The following FABP6 variants were observed in gnomAD, a reference collection of about 807,000 sequenced individuals.
FABP6 encodes the protein fatty acid binding protein 6.
A neutral mutation model predicts 14.9 loss-of-function variants in FABP6; 13 were observed. The ratio of observed to expected loss-of-function variants is 0.87; its 90% CI spans 0.57 to 1.39. The LOEUF (loss-of-function observed/expected upper bound fraction) is 1.39. Among genes scored for constraint, FABP6 ranks in the 40% most tolerant of loss-of-function variants. The pLI is 0.00. For missense variants in FABP6, 161 were observed against 167.2 expected (o/e 0.96, Z 0.20); for synonymous variants, 75 against 63.6 (o/e 1.18, Z -0.85).
At chr5:160,188,046 C>A (rs1327157102) in intron 1 of FABP6, among the ~76,000 whole-genome samples, 3 of 100,328 alleles carry the variant, frequency 3.0e-5, no homozygotes, top group East Asian at 2.9e-4. Context: ...GCCACTGAGA[C>A]CCCGGCCTGC....
intron 3 of FABP6, among the ~76,000 whole-genome samples, chr5:160,236,365 C>T (rs1348522904): frequency 6.6e-6 from 1 of 152,082 alleles, no homozygotes; most frequent in African/African-American, 2.4e-5. Flanking sequence ...ACTCCACTCT[C>T]ATAACTTAAT....
At position 160,232,083 on chromosome 5, in the gene FABP6, T is replaced by C; in HGVS notation, c.68-15T>C. On this transcript the variant is annotated splice_polypyrimidine_tract_variant and intron_variant, in intron 1 of 3. Coordinates refer to ENST00000402432, the MANE Select transcript of FABP6 (RefSeq NM_001445.3). The stretch of plus-strand genomic sequence containing the variant: ...GCAGCTCTTATATGGCTACTCTGCT[T>C]GTCCCCGGGTCCAGGGATCTCCAGC... 6.2e-7 allele frequency: 1 copy of C among 1,613,218 alleles called. No homozygotes were observed. The highest frequency in any genetic ancestry group is 2.2e-5 in the East Asian group (1 of 44,864).
chr5:160,199,237 G>C, intron 2 of FABP6: 1 of 1,443,092 alleles, frequency 6.9e-7, no homozygotes, highest in Admixed American at 1.7e-5. Context: ...AACACCTTGG[G>C]TGGGGGACTT....
intron 2 of FABP6, among the ~76,000 whole-genome samples, chr5:160,205,006 T>C (rs1004772080): frequency 2.0e-5 from 3 of 152,158 alleles, no homozygotes; most frequent in South Asian, 2.1e-4. Flanking sequence ...AGGTTTTCCA[T>C]TGGCTTTTTG....
At chr5:160,216,155 T>C (rs1760008572) in intron 3 of FABP6, among the ~76,000 whole-genome samples, 1 of 152,178 alleles carries the variant, frequency 6.6e-6, no homozygotes, top group African/African-American at 2.4e-5. Context: ...TTCAATGGGG[T>C]GAGACAATTT....
At chr5:160,212,864 G>A (rs953560784) in intron 2 of FABP6, among the ~76,000 whole-genome samples, 5 of 152,068 alleles carry the variant, frequency 3.3e-5, no homozygotes, top group Non-Finnish European at 7.4e-5. Context: ...TGATCTGCCC[G>A]CCTCGGCCTC....
intron 2 of FABP6, among the ~76,000 whole-genome samples, chr5:160,212,365 A>C (rs986144237): frequency 1.3e-5 from 2 of 151,878 alleles, no homozygotes; most frequent in African/African-American, 4.8e-5. Flanking sequence ...CATGTTAGCC[A>C]GGTTGGTCTC....
chr5:160,215,949 A>G (rs940498581), intron 3 of FABP6, among the ~76,000 whole-genome samples: 2 of 152,148 alleles, frequency 1.3e-5, no homozygotes, highest in African/African-American at 4.8e-5. Context: ...CTGCAGGTGT[A>G]AGTCCTGCAG....
At chr5:160,234,314 C>A (rs1760457354) in intron 2 of FABP6, among the ~76,000 whole-genome samples, 1 of 151,646 alleles carries the variant, frequency 6.6e-6, no homozygotes, top group African/African-American at 2.4e-5. Flanking sequence ...GCAGTCAGCT[C>A]CTCTCTTGCT....
chr5:160,228,859 C>T (rs1334781823), upstream of FABP6, among the ~76,000 whole-genome samples: 3 of 152,118 alleles, frequency 2.0e-5, no homozygotes, highest in African/African-American at 7.2e-5. Flanking sequence ...CCTAGAATAT[C>T]GTCTCCCTTT....
chr5:160,200,615 T>C (rs531874198), intron 2 of FABP6, among the ~76,000 whole-genome samples: 1 of 152,332 alleles, frequency 6.6e-6, no homozygotes, highest in African/African-American at 2.4e-5. Context: ...GGTTTCACCA[T>C]GTTGGCCAGG....
intron 2 of FABP6, among the ~76,000 whole-genome samples, chr5:160,234,004 C>G (rs574058059): frequency 6.6e-6 from 1 of 152,234 alleles, no homozygotes; most frequent in Non-Finnish European, 1.5e-5. Context: ...TATCATTAGG[C>G]CTCTGGTGAC....
chr5:160,204,355 G>T (rs2032836), intron 2 of FABP6, among the ~76,000 whole-genome samples: 30,902 of 152,104 alleles, frequency 0.2, 3,276 homozygotes, highest in South Asian at 0.25. Flanking sequence ...TAAATAATAC[G>T]TTTTTTTAAA....
intron 2 of FABP6, among the ~76,000 whole-genome samples, chr5:160,202,015 T>C (rs6892679): frequency 0.89 from 135,780 of 152,258 alleles, 60,643 homozygotes; most frequent in Non-Finnish European, 0.92. Context: ...CTGCTCGCCT[T>C]CACCTCCCAA....
Position 160,211,847 on chromosome 5 carries a change from G to A in FABP6, c.52-1889G>A, listed in dbSNP as rs370458400. ...ACAAGTATGTAAAGGCCCAGGTATA[G>A]ACACTGCACAGTTATAGGCCCTGCC... On this transcript the variant is annotated intron_variant, in intron 2 of 6. Coordinates refer to the FABP6 transcript ENST00000393980. Among the ~76,000 whole-genome samples, 99 of 152,318 alleles carry A rather than the reference G, an allele frequency of 6.5e-4. No homozygotes were observed. The South Asian group carries it at 0.02, about 31-fold the overall frequency.
chr5:160,231,366 A>G (rs1279578898), intron 1 of FABP6, among the ~76,000 whole-genome samples: 1 of 152,198 alleles, frequency 6.6e-6, no homozygotes, highest in Non-Finnish European at 1.5e-5. Context: ...CCTTATCTGT[A>G]AAATAAAAGT....
At chr5:160,222,707 TAAAAA>T (rs891196313) in intron 3 of FABP6, among the ~76,000 whole-genome samples, 1 of 152,200 alleles carries the variant, frequency 6.6e-6, no homozygotes. Flanking sequence ...TAAAAGTTGT[TAAAAA>T]GAAAAGAAAA....
chr5:160,227,930 A>C (rs1395721274), upstream of FABP6, among the ~76,000 whole-genome samples: 1 of 151,754 alleles, frequency 6.6e-6, no homozygotes, highest in Non-Finnish European at 1.5e-5. Context: ...TGGAGATTAA[A>C]GCCTGGTAAA....
chr5:160,204,982 G>A (rs1266763563), intron 2 of FABP6, among the ~76,000 whole-genome samples: 1 of 151,724 alleles, frequency 6.6e-6, no homozygotes, highest in Non-Finnish European at 1.5e-5. Context: ...GAAAGAAAGG[G>A]GGCGTAACAG....
Sources: allele counts gnomAD v4.1 joint callset (sites outside exome capture counted in the v4.1 genomes callset), GRCh38; gene constraint gnomAD v4.1.1; transcripts MANE v1.5; gene names NCBI Gene and HGNC (gene_info 2026-07-23, HGNC 2026-07-21).